SUSD6: variants seen among roughly 807,000 people sequenced by gnomAD.
The protein encoded by SUSD6 is sushi domain-containing protein 6.
SUSD6 carries 16 observed loss-of-function variants against 28.4 expected under a neutral mutation model. That is an observed-to-expected ratio of 0.56 (90% confidence interval 0.38 to 0.86). The LOEUF (loss-of-function observed/expected upper bound fraction) is 0.86. Ranked by LOEUF, SUSD6 falls within the 40% of genes least tolerant of loss-of-function variation. SUSD6 has a pLI of 0.00. For missense variants in SUSD6, 341 were observed against 384.2 expected, an observed-to-expected ratio of 0.89 and a Z score of 0.94; for synonymous variants, 147 against 159.6, an observed-to-expected ratio of 0.92 and a Z score of 0.59.
chr14:69,702,333 G>A (rs1364351922), intron 2 of SUSD6, among the ~76,000 whole-genome samples: 4 of 152,144 alleles, frequency 2.6e-5, no homozygotes, highest in African/African-American at 9.7e-5. Context: ...TGTTTTGGCT[G>A]GTAATACCCG....
chr14:69,652,060 C>G (rs185041129), intron 1 of SUSD6, among the ~76,000 whole-genome samples: 142 of 152,310 alleles, frequency 9.3e-4, no homozygotes, highest in African/African-American at 3.2e-3. Flanking sequence ...GTTCTGGACT[C>G]TCACCACTAC....
At chr14:69,671,526 G>A (rs962414736) in intron 2 of SUSD6, among the ~76,000 whole-genome samples, 4 of 152,182 alleles carry the variant, frequency 2.6e-5, no homozygotes, top group Non-Finnish European at 4.4e-5. Flanking sequence ...CTGATGTACC[G>A]CGTGGGGTCC....
chr14:69,614,190 C>G (rs761149900), intron 1 of SUSD6, among the ~76,000 whole-genome samples: 1 of 152,228 alleles, frequency 6.6e-6, no homozygotes, highest in Admixed American at 6.5e-5. Flanking sequence ...CCTCAGCCTC[C>G]TGAGCAGCTG....
At chr14:69,650,247 C>G (rs182632680) in intron 1 of SUSD6, among the ~76,000 whole-genome samples, 145 of 152,214 alleles carry the variant, frequency 9.5e-4, no homozygotes, top group African/African-American at 3.4e-3. Flanking sequence ...CCTGTTAGAA[C>G]AGGAAGGGGC....
At chr14:69,625,553 A>G (rs1258290952) in intron 1 of SUSD6, among the ~76,000 whole-genome samples, 1 of 152,174 alleles carries the variant, frequency 6.6e-6, no homozygotes, top group Non-Finnish European at 1.5e-5. Context: ...ACTGGCCAGG[A>G]CTGCGGATGT....
At chr14:69,679,391 A>G (rs1041035467) in intron 2 of SUSD6, among the ~76,000 whole-genome samples, 1 of 152,194 alleles carries the variant, frequency 6.6e-6, no homozygotes, top group African/African-American at 2.4e-5. Context: ...AATGAATTAT[A>G]AATATGTAAA....
chr14:69,632,840 C>G (rs1885215196), intron 1 of SUSD6, among the ~76,000 whole-genome samples: 1 of 152,136 alleles, frequency 6.6e-6, no homozygotes, highest in Non-Finnish European at 1.5e-5. Context: ...ATCCAAAACT[C>G]CCCTCTTTTG....
chr14:69,623,105 A>G lies in SUSD6; in HGVS notation c.-81+11277A>G, dbSNP rs182717055. Among the ~76,000 whole-genome samples, 3 of 152,318 alleles carry G rather than the reference A, an allele frequency of 2.0e-5. No homozygotes were observed. In the East Asian group the frequency reaches 5.8e-4, roughly 29 times the overall value. ...GAGGTGGGAAACCTCCTAGGATTGC[A>G]GACTTGATTAACTTGCCAAGGAACA... On this transcript the variant is annotated intron_variant, in intron 1 of 5. Coordinates refer to ENST00000342745, the MANE Select transcript of SUSD6 (RefSeq NM_014734.4).
chr14:69,654,721 C>T (rs1400401182), intron 1 of SUSD6, among the ~76,000 whole-genome samples: 1 of 151,548 alleles, frequency 6.6e-6, no homozygotes, highest in Non-Finnish European at 1.5e-5. Flanking sequence ...TCTCCTTCCC[C>T]GTTAACCACT....
rs138721503 is a variant in SUSD6, at chr14:69,624,665, G to C, written c.-81+12837G>C. ...AGACGGAGTTTCTCCATGTTGGTCA[G>C]GCTGGTCTCGAACTCCCGACCTCAG... On this transcript the variant is annotated intron_variant, in intron 1 of 5. Transcript: ENST00000342745. 7.4e-3 allele frequency among the ~76,000 whole-genome samples: 1,125 copies of C among 152,220 alleles called. 15 individuals carry two copies. Among genetic ancestry groups the C allele is most frequent in the African/African-American group, 0.025 (1,056 of 41,512 alleles).
At chr14:69,699,459 C>G (rs999776231) in intron 2 of SUSD6, among the ~76,000 whole-genome samples, 1 of 152,138 alleles carries the variant, frequency 6.6e-6, no homozygotes, top group Non-Finnish European at 1.5e-5. Context: ...CCACCTTGAC[C>G]TCCCAAAGCG....
In SUSD6 at chr14:69,712,806, C is replaced by G. The variant is rs1003794839; in HGVS notation, c.*1827C>G. ...GTGCCTGCTGTGCCTGTTGGCCACTCCCACACTTCCCCTCCCCCAGGAGCC... is the reference window on the plus strand; with the variant it reads ...GTGCCTGCTGTGCCTGTTGGCCACTGCCACACTTCCCCTCCCCCAGGAGCC... On this transcript the variant is annotated 3_prime_UTR_variant, in exon 6 of 6. Coordinates refer to ENST00000342745, the MANE Select transcript of SUSD6 (RefSeq NM_014734.4). The G allele has an allele frequency of 6.6e-6, 1 of 152,578 alleles. No homozygotes were observed. Among genetic ancestry groups the G allele is most frequent in the African/African-American group, 2.4e-5 (1 of 41,454 alleles). The allele number at this position is 152,578 out of a possible 1,614,324, so 9.5% of individuals were successfully genotyped here. A position where few individuals can be genotyped will look rare whatever the true frequency, so the allele number is the denominator to read the frequency against.
At chr14:69,691,371 C>A (rs1231014408) in intron 2 of SUSD6, among the ~76,000 whole-genome samples, 1 of 152,116 alleles carries the variant, frequency 6.6e-6, no homozygotes, top group Non-Finnish European at 1.5e-5. Context: ...CGACAAAAAA[C>A]CCATTCAGAC....
At chr14:69,653,320 G>A (rs937525612) in intron 1 of SUSD6, among the ~76,000 whole-genome samples, 11 of 152,310 alleles carry the variant, frequency 7.2e-5, no homozygotes, top group African/African-American at 2.6e-4. Flanking sequence ...AAATCAGAAC[G>A]GTGACTCTCC....
chr14:69,612,272 G>C (rs1884889281), intron 1 of SUSD6, among the ~76,000 whole-genome samples: 1 of 152,164 alleles, frequency 6.6e-6, no homozygotes, highest in Admixed American at 6.5e-5. Flanking sequence ...TTGCGCTGGG[G>C]CAGGGCTGGC....
At chr14:69,683,200 G>A (rs1886024002) in intron 2 of SUSD6, among the ~76,000 whole-genome samples, 2 of 152,072 alleles carry the variant, frequency 1.3e-5, no homozygotes, top group South Asian at 4.1e-4. Context: ...ATGGGGTGTA[G>A]GAGGAGAGGC....
intron 3 of SUSD6, among the ~76,000 whole-genome samples, chr14:69,704,073 CT>C (rs1220598234): frequency 2.6e-5 from 4 of 152,226 alleles, no homozygotes; most frequent in Non-Finnish European, 4.4e-5. Flanking sequence ...GTGCTTCCCA[CT>C]CAGGCTTCAA....
At chr14:69,690,533 G>A (rs1260892049) in intron 2 of SUSD6, among the ~76,000 whole-genome samples, 2 of 152,174 alleles carry the variant, frequency 1.3e-5, no homozygotes, top group Non-Finnish European at 2.9e-5. Flanking sequence ...CCAGGAGCAC[G>A]GTATGCTGAG....
At position 69,714,884 on chromosome 14, in the gene SUSD6, A is replaced by G. The variant is rs1594728360; in HGVS notation, c.*3905A>G. ...TGCCCTGGCTTCTTCAGGTTATCGC[A>G]CCACTATGGAATCCTTTGCAGAATG... On this transcript the variant is annotated 3_prime_UTR_variant, in exon 6 of 6. Coordinates refer to ENST00000342745, the MANE Select transcript of SUSD6 (RefSeq NM_014734.4). 1.3e-5 allele frequency: 2 copies of G among 152,148 alleles called. No homozygotes were observed. The highest frequency in any genetic ancestry group is 4.8e-5 in the African/African-American group (2 of 41,438). The allele number at this position is 152,148 out of a possible 1,614,324, so 9.4% of individuals were successfully genotyped here.
Sources: gnomAD v4.1 joint callset for allele counts (sites outside exome capture counted in the v4.1 genomes callset) on GRCh38, gnomAD v4.1.1 for gene constraint, MANE v1.5 for transcripts, NCBI Gene and HGNC (gene_info 2026-07-23, HGNC 2026-07-21) for gene names.